COL9A1: variants seen among roughly 807,000 people sequenced by gnomAD.
COL9A1 encodes the protein collagen alpha-1(IX) chain.
Under a neutral mutation model 142.6 loss-of-function variants are expected in COL9A1, and 104 were observed. The observed-to-expected ratio is 0.73, with a 90% CI of 0.62 to 0.86. The LOEUF (loss-of-function observed/expected upper bound fraction) is 0.86, where lower values mean the gene tolerates loss of function less well. Ranked by LOEUF, COL9A1 falls within the 40% of genes least tolerant of loss-of-function variation. COL9A1 has a pLI of 0.00. For missense variants in COL9A1, 1,210 were observed against 1,176.6 expected, an observed-to-expected ratio of 1.03 and a Z score of -0.42; for synonymous variants, 466 against 396.0, an observed-to-expected ratio of 1.18 and a Z score of -2.10.
Position 70,281,148 on chromosome 6 carries a change from G to A in COL9A1, c.877-109C>T. ...CTTCACAGATGGGGATGGTGTAAGG[G>A]TCAAACGTGGAGGTTCATGACCAAC... On this transcript the variant is annotated intron_variant, in intron 8 of 37. Transcript: ENST00000357250. The A allele has an allele frequency of 6.1e-6, 6 of 980,490 alleles. No individual in the cohort carries two copies. In the South Asian group the frequency reaches 6.4e-5, roughly 10 times the overall value. The allele number at this position is 980,490 out of a possible 1,614,324, so 60.7% of individuals were successfully genotyped here.
chr6:70,300,934 C>T (rs1177336473), intron 2 of COL9A1, among the ~76,000 whole-genome samples: 2 of 152,010 alleles, frequency 1.3e-5, no homozygotes, highest in African/African-American at 4.8e-5. Flanking sequence ...ATATAGGGGC[C>T]TGGGGAAGTC....
In COL9A1 at chr6:70,234,853, G is replaced by A; in HGVS notation, c.2200C>T (p.Pro734Ser). Residue 734 changes from proline (P) to serine (S), a missense_variant, in exon 34 of 38, where the codon CCC (proline) becomes TCC (serine). Transcript: ENST00000357250. ...GVEGPRGPPG[P>S]RGVQGEQGAT... ...CCCTGTTCTCCCTGCACACCCCGGG[G>A]TCCAGGTGGTCCTCTTGGTCCTTCC... The A allele has an allele frequency of 3.1e-6, 5 of 1,614,124 alleles. No individual in the cohort carries two copies. Among genetic ancestry groups the A allele is most frequent in the African/African-American group, 1.3e-5 (1 of 75,048 alleles).
chr6:70,234,624 T>C, intron 34 of COL9A1, 31 bp from the exon 35 acceptor site: 2 of 1,613,612 alleles, frequency 1.2e-6, no homozygotes, highest in Non-Finnish European at 1.7e-6. Flanking sequence ...AGGCAGTTTA[T>C]GCATGAAACC....
intron 32 of COL9A1, among the ~76,000 whole-genome samples, chr6:70,239,521 TA>T (rs1770115473): frequency 1.3e-5 from 2 of 152,332 alleles, no homozygotes; most frequent in Admixed American, 6.5e-5. Context: ...ATCTGTTAAA[TA>T]AAAGGGTTGA....
intron 1 of COL9A1, 81 bp downstream of exon 1, chr6:70,302,830 C>T: frequency 1.3e-6 from 2 of 1,488,808 alleles, no homozygotes; most frequent in Non-Finnish European, 1.9e-6. Context: ...CATCTTACCA[C>T]TGCTGCAAAA....
chr6:70,234,791 C>A lies in COL9A1; in HGVS notation c.2259+3G>T. 6.2e-7 allele frequency: 1 copy of A among 1,614,126 alleles called. No homozygotes were observed. Among genetic ancestry groups the A allele is most frequent in the Non-Finnish European group, 8.5e-7 (1 of 1,180,016 alleles). ...GAAACCACAGAAGCTGCCCACCACT[C>A]ACCGGAGGGCCCTGGACACCAGGCA... On this transcript the variant is annotated splice_donor_region_variant and intron_variant, in intron 34 of 37. Coordinates refer to ENST00000357250, the MANE Select transcript of COL9A1 (RefSeq NM_001851.6).
chr6:70,277,260 A>G (rs778850796), intron 10 of COL9A1, among the ~76,000 whole-genome samples: 2 of 152,068 alleles, frequency 1.3e-5, no homozygotes, highest in Non-Finnish European at 2.9e-5. Flanking sequence ...AAATATCTCT[A>G]TTAATATAAT....
chr6:70,246,618 A>G (rs1770626373), intron 28 of COL9A1, among the ~76,000 whole-genome samples: 1 of 152,050 alleles, frequency 6.6e-6, no homozygotes, highest in Non-Finnish European at 1.5e-5. Context: ...GTATGCATTT[A>G]TGTTGTATTT....
At position 70,294,505 on chromosome 6, in the gene COL9A1, T is replaced by A. The variant is rs777397674; in HGVS notation, c.358A>T (p.Thr120Ser). Reference sequence around the variant, plus strand: ...CAGTTCTTTTTGAGAGTGCTTCCAGTCATTCGAAACGTCGTCAAGAAGGAG... The same window carrying A: ...CAGTTCTTTTTGAGAGTGCTTCCAGACATTCGAAACGTCGTCAAGAAGGAG... ...EYSFLTTFRM[T>S]GSTLKKNWNI... is the part of the protein sequence containing the mutation. The change falls in exon 5 of 38, where the codon ACT (threonine) becomes TCT (serine). Residue 120 changes from threonine (T) to serine (S), a missense_variant. Thr to Ser is a moderately conservative substitution (Grantham distance 58). Coordinates refer to ENST00000357250, the MANE Select transcript of COL9A1 (RefSeq NM_001851.6). The A allele has an allele frequency of 6.2e-7, 1 of 1,614,126 alleles. No homozygotes were observed. Among genetic ancestry groups the A allele is most frequent in the South Asian group, 1.1e-5 (1 of 91,086 alleles).
In COL9A1 at chr6:70,216,771, ACTGAAGGTAATACATTGTAATCATG is replaced by A; in HGVS notation, c.*101_*125del. The A allele has an allele frequency of 1.1e-5, 10 of 951,522 alleles. No individual in the cohort carries two copies. The highest frequency in any genetic ancestry group is 1.7e-5 in the Non-Finnish European group (10 of 600,584). The allele number at this position is 951,522 out of a possible 1,614,324, so 58.9% of individuals were successfully genotyped here. A position where few individuals can be genotyped will look rare whatever the true frequency, so the allele number is the denominator to read the frequency against. ...TGTCAAGTAGGACTTCTGTAATCAT[ACTGAAGGTAATACATTGTAATCATG>A]CTGAAGGTAATCATCTTTGCCCCAG... On this transcript the variant is annotated 3_prime_UTR_variant, in exon 38 of 38. Transcript: ENST00000357250.
intron 6 of COL9A1, 47 bp from the exon 7 acceptor site, chr6:70,282,965 C>T (rs1773266008): frequency 1.2e-6 from 2 of 1,614,196 alleles, no homozygotes. Context: ...ACCCCTCAAA[C>T]TCGATCGCAA....
Position 70,301,940 on chromosome 6 carries a change from C to G in COL9A1, c.88+61G>C, listed in dbSNP as rs981897833. On this transcript the variant is annotated intron_variant, in intron 2 of 37. Coordinates refer to ENST00000357250, the MANE Select transcript of COL9A1 (RefSeq NM_001851.6). ...TCACTCAGTCTTCAGTCAGCCACAG[C>G]CCTGCCTGATCATTTCTGGGAATAA... is the stretch of plus-strand genomic sequence containing the variant. The G allele has an allele frequency of 2.6e-5, 35 of 1,363,876 alleles. No homozygotes were observed. The African/African-American group carries it at 4.7e-4, about 18-fold the overall frequency. The allele number at this position is 1,363,876 out of a possible 1,614,324, so 84.5% of individuals were successfully genotyped here.
chr6:70,297,529 C>T (rs1773888597), intron 4 of COL9A1, among the ~76,000 whole-genome samples: 1 of 152,108 alleles, frequency 6.6e-6, no homozygotes, highest in Non-Finnish European at 1.5e-5. Context: ...GAACAGTCAG[C>T]TCCATTGTCT....
chr6:70,267,703 C>G lies in COL9A1; in HGVS notation c.1288-933G>C, dbSNP rs1004534303. Among the ~76,000 whole-genome samples, 3 of 152,208 alleles carry G rather than the reference C, an allele frequency of 2.0e-5. No individual in the cohort carries two copies. The East Asian group carries it at 5.8e-4, about 29-fold the overall frequency. On this transcript the variant is annotated intron_variant, in intron 17 of 37. Transcript: ENST00000357250. ...CTGCATTGGATGAAAATATCCCTAT[C>G]TTTTCTTGTCAGGCCACTTGTCCTA...
chr6:70,274,111 G>T, intron 11 of COL9A1, 29 bp from the exon 12 acceptor site: 1 of 1,560,188 alleles, frequency 6.4e-7, no homozygotes, highest in South Asian at 1.2e-5. Context: ...TCATTGTACT[G>T]ACCTTTCATA....
At position 70,254,500 on chromosome 6, in the gene COL9A1, A is replaced by G. The variant is rs776237405; in HGVS notation, c.1695T>C (p.Gly565=). ...CTGGTAACCCCTGCAATCCTGCATC[A>G]CCAGGAGGCCCAGGTTTTCCTGGTT... ...KGEPGKPGPP[G]DAGLQGLPGV... Residue 565 remains glycine (G), a synonymous_variant, in exon 25 of 38, where the codon GGT becomes GGC. Coordinates refer to ENST00000357250, the MANE Select transcript of COL9A1 (RefSeq NM_001851.6). The G allele has an allele frequency of 1.2e-5, 19 of 1,614,046 alleles. No homozygotes were observed. The highest frequency in any genetic ancestry group is 1.1e-4 in the East Asian group (5 of 44,892).
intron 37 of COL9A1, among the ~76,000 whole-genome samples, chr6:70,220,857 G>A (rs1768837997): frequency 6.6e-6 from 1 of 152,172 alleles, no homozygotes; most frequent in African/African-American, 2.4e-5. Context: ...CCTCATGTGT[G>A]TATTACTTAC....
intron 10 of COL9A1, 80 bp from the exon 11 acceptor site, chr6:70,274,852 T>A: frequency 8.8e-7 from 1 of 1,132,488 alleles, no homozygotes; most frequent in Non-Finnish European, 1.3e-6. Flanking sequence ...TCATTTTATT[T>A]ATTAATTGTC....
At chr6:70,233,422 G>C (rs1286105419) in intron 35 of COL9A1, among the ~76,000 whole-genome samples, 1 of 152,078 alleles carries the variant, frequency 6.6e-6, no homozygotes, top group East Asian at 1.9e-4. Flanking sequence ...AACTGTGTGG[G>C]CTTTTTCAGG....
Sources: allele counts gnomAD v4.1 joint callset (sites outside exome capture counted in the v4.1 genomes callset), GRCh38; gene constraint gnomAD v4.1.1; transcripts MANE v1.5; gene names NCBI Gene and HGNC (gene_info 2026-07-23, HGNC 2026-07-21).